Variants in RAB11FIP3 observed in about 807,000 individuals in gnomAD.
RAB11FIP3 encodes rab11 family-interacting protein 3.
A neutral mutation model predicts 77.8 loss-of-function variants in RAB11FIP3; 17 were observed. The ratio of observed to expected loss-of-function variants is 0.22; its 90% confidence interval spans 0.15 to 0.33. RAB11FIP3 has a LOEUF of 0.33. Ranked by LOEUF, RAB11FIP3 falls within the 10% of genes least tolerant of loss-of-function variation. The pLI is 1.00. For missense variants in RAB11FIP3, 1,005 were observed against 1,011.2 expected, an observed-to-expected ratio of 0.99 and a Z score of 0.08; for synonymous variants, 437 against 448.2, an observed-to-expected ratio of 0.98 and a Z score of 0.31.
intron 11 of RAB11FIP3, 94 bp downstream of exon 11, chr16:519,985 C>A: frequency 1.3e-6 from 2 of 1,518,560 alleles, no homozygotes; most frequent in South Asian, 1.2e-5. Flanking sequence ...GGCTGTGCTG[C>A]TTTGGGCATA....
intron 6 of RAB11FIP3, among the ~76,000 whole-genome samples, chr16:499,425 A>G (rs2031360336): frequency 6.6e-6 from 1 of 152,168 alleles, no homozygotes; most frequent in South Asian, 2.1e-4. Flanking sequence ...CGCAGCCTGC[A>G]GTTGGCTGTC....
At position 426,940 on chromosome 16, in the gene RAB11FIP3, G is replaced by A. The variant is rs1424283188; in HGVS notation, c.714+220G>A. Among the ~76,000 whole-genome samples the A allele has an allele frequency of 6.6e-6, 1 of 152,148 alleles. No individual in the cohort carries two copies. On this transcript the variant is annotated intron_variant, in intron 1 of 13. Transcript: ENST00000262305. This position sits in a 1 kb window ranked among gnomAD's most constrained non-coding sequence, Gnocchi z 5.0. ...TCTTAAAAGGAGGTTCTATTCTGGG[G>A]AGTCAGTTTCTTCCCCTCCCCCCAG...
rs150007727 is a variant in RAB11FIP3, at chr16:445,316, G to A, written c.715-16088G>A. 3.5e-3 allele frequency among the ~76,000 whole-genome samples: 529 copies of A among 150,822 alleles called. 8 individuals carry two copies. The highest frequency in any genetic ancestry group is 0.012 in the African/African-American group (473 of 40,872). ...CAGCCAGGCCTGGTGGCAAGTGCCT[G>A]TAGTTTCAGCTACTTGGGAGGCTGA... On this transcript the variant is annotated intron_variant, in intron 1 of 13. Transcript: ENST00000262305.
intron 1 of RAB11FIP3, among the ~76,000 whole-genome samples, chr16:433,471 C>A (rs1000485927): frequency 4.6e-5 from 7 of 151,932 alleles, no homozygotes; most frequent in Non-Finnish European, 1.0e-4. Context: ...TCTTTCTCTG[C>A]CTGTCTTACT....
intron 1 of RAB11FIP3, among the ~76,000 whole-genome samples, chr16:428,994 C>T (rs911555477): frequency 6.6e-6 from 1 of 152,086 alleles, no homozygotes; most frequent in Admixed American, 6.6e-5. Flanking sequence ...TGGTATTACT[C>T]CTTGTCTGTT....
At position 518,800 on chromosome 16, in the gene RAB11FIP3, C is replaced by A. The variant is rs1025825410; in HGVS notation, c.1641-143C>A. 4 of 718,972 alleles carry A rather than the reference C, an allele frequency of 5.6e-6. No homozygotes were observed. The African/African-American group carries it at 7.0e-5, about 13-fold the overall frequency. 44.5% of individuals were successfully genotyped at this position (718,972 alleles called of 1,614,324 possible). On this transcript the variant is annotated intron_variant, in intron 9 of 13. Transcript: ENST00000262305. ...CTGTGCCCTGGAGCACATGGGTGGG[C>A]ACATAAGGATTGGCCCTGGTCGTTT...
chr16:499,616 T>G (rs2031376664), intron 6 of RAB11FIP3, among the ~76,000 whole-genome samples: 1 of 151,890 alleles, frequency 6.6e-6, no homozygotes, highest in Admixed American at 6.6e-5. Flanking sequence ...ACCAACATGG[T>G]GAAACCCCGT....
At chr16:433,855 C>CAA (rs201789059) in intron 1 of RAB11FIP3, among the ~76,000 whole-genome samples, 102 of 70,598 alleles carry the variant, frequency 1.4e-3, no homozygotes, top group Middle Eastern at 0.01. Context: ...GACTCTGTCT[C>CAA]AAAAAAAAAA....
At chr16:450,012 C>T (rs1053929004) in intron 1 of RAB11FIP3, among the ~76,000 whole-genome samples, 1 of 152,158 alleles carries the variant, frequency 6.6e-6, no homozygotes, top group Non-Finnish European at 1.5e-5. Context: ...CCACCACATG[C>T]ACAGGCCTTG....
chr16:503,725 C>T (rs1214038354), intron 7 of RAB11FIP3, among the ~76,000 whole-genome samples: 2 of 152,038 alleles, frequency 1.3e-5, no homozygotes, highest in Non-Finnish European at 2.9e-5. Flanking sequence ...ACTAAAAATA[C>T]AAAAGTTAGC....
chr16:478,811 C>T (rs1299967781), intron 3 of RAB11FIP3, among the ~76,000 whole-genome samples: 1 of 151,376 alleles, frequency 6.6e-6, no homozygotes, highest in African/African-American at 2.4e-5. Context: ...ACAAAAAATA[C>T]AAAAATTAGC....
chr16:477,245 A>G (rs1282922695), intron 3 of RAB11FIP3, among the ~76,000 whole-genome samples: 2 of 152,082 alleles, frequency 1.3e-5, no homozygotes, highest in Non-Finnish European at 2.9e-5. Context: ...CAAGAGCGAG[A>G]CTCTATCAAA....
chr16:520,096 C>T (rs1325633052), intron 11 of RAB11FIP3, 26 bp from the exon 12 acceptor site: 21 of 1,541,526 alleles, frequency 1.4e-5, no homozygotes, highest in African/African-American at 5.5e-5. Context: ...CCAGGCCCCC[C>T]GGCTCACTGC....
chr16:445,443 ATAAAAAT>A (rs2055299351), intron 1 of RAB11FIP3, among the ~76,000 whole-genome samples: 1 of 150,592 alleles, frequency 6.6e-6, no homozygotes, highest in African/African-American at 2.5e-5. Flanking sequence ...TTGTCTCAAA[ATAAAAAT>A]AAAAATAAAA....
At position 473,412 on chromosome 16, in the gene RAB11FIP3, C is replaced by T. The variant is rs546331760; in HGVS notation, c.903+2023C>T. Among the ~76,000 whole-genome samples, 3 of 151,804 alleles carry T rather than the reference C, an allele frequency of 2.0e-5. No individual in the cohort carries two copies. In the South Asian group the frequency reaches 6.3e-4, roughly 32 times the overall value. On this transcript the variant is annotated intron_variant, in intron 3 of 13. Transcript: ENST00000262305. The stretch of plus-strand genomic sequence containing the variant: ...AAAATGGAACATAGTGTAGAGCATT[C>T]CGGGATCACGTTACATGATTATTTG...
At chr16:503,320 G>A (rs182460111) in intron 7 of RAB11FIP3, among the ~76,000 whole-genome samples, 1 of 152,198 alleles carries the variant, frequency 6.6e-6, no homozygotes, top group African/African-American at 2.4e-5. Flanking sequence ...TGTTGTGCAC[G>A]AAGGGCCAGC....
In RAB11FIP3 at chr16:514,504, G is replaced by T. The variant is rs529987802; in HGVS notation, c.1640+3704G>T. On this transcript the variant is annotated intron_variant, in intron 9 of 13. Transcript: ENST00000262305. The surrounding 1 kb of genome is among the most constrained non-coding windows in gnomAD (Gnocchi z 4.6). ...GCTGGATTTCAGGAGTGGAGCCTCA[G>T]TAGAGATGAGAGTTAAAGCTGAAAG... is the stretch of plus-strand genomic sequence containing the variant. Among the ~76,000 whole-genome samples, 39 of 152,352 alleles carry T rather than the reference G, an allele frequency of 2.6e-4. No homozygotes were observed. Among genetic ancestry groups the T allele is most frequent in the African/African-American group, 8.9e-4 (37 of 41,588 alleles).
intron 3 of RAB11FIP3, among the ~76,000 whole-genome samples, chr16:474,552 G>A (rs1395063298): frequency 2.0e-5 from 3 of 152,094 alleles, no homozygotes; most frequent in Non-Finnish European, 2.9e-5. Context: ...GCTGTTTGTC[G>A]GGTTTCTGGA....
intron 3 of RAB11FIP3, among the ~76,000 whole-genome samples, chr16:477,054 C>A (rs1328974165): frequency 2.7e-5 from 4 of 148,672 alleles, no homozygotes; most frequent in Non-Finnish European, 5.9e-5. Context: ...CCATTGCACT[C>A]CAGCCTGGGT....
Sources: gnomAD v4.1 joint callset for allele counts (sites outside exome capture counted in the v4.1 genomes callset) on GRCh38, gnomAD v4.1.1 for gene constraint, Gnocchi (gnomAD v3.1) non-coding constraint, MANE v1.5 for transcripts, NCBI Gene and HGNC (gene_info 2026-07-23, HGNC 2026-07-21) for gene names.